Variants in CLNK observed in about 807,000 individuals in gnomAD.
CLNK encodes the protein cytokine dependent hematopoietic cell linker, also known as cytokine-dependent hematopoietic cell linker.
A neutral mutation model predicts 68.6 loss-of-function variants in CLNK; 74 were observed. That is an observed-to-expected ratio of 1.08 (90% confidence interval 0.89 to 1.31). CLNK has a LOEUF of 1.31. CLNK is among the 50% of genes most tolerant of loss of function. The probability of loss-of-function intolerance (pLI) is 0.00; values close to 1 mark genes in which losing one functional copy is unlikely to be tolerated. For missense variants in CLNK, 553 were observed against 515.3 expected (o/e 1.07, Z -0.71); for synonymous variants, 198 against 172.2 (o/e 1.15, Z -1.17).
At chr4:10,590,244 T>G (rs559106214) in intron 3 of CLNK, among the ~76,000 whole-genome samples, 4 of 152,236 alleles carry the variant, frequency 2.6e-5, no homozygotes, top group Admixed American at 1.3e-4. Flanking sequence ...ATACATCTAA[T>G]AATCTTTAAT....
At chr4:10,576,002 G>A (rs899419629) in intron 4 of CLNK, among the ~76,000 whole-genome samples, 3 of 152,202 alleles carry the variant, frequency 2.0e-5, no homozygotes, top group African/African-American at 7.2e-5. Flanking sequence ...CCCCCAGGCA[G>A]TGGCAAGACG....
intron 2 of CLNK, chr4:10,656,370 G>T (rs981593399): frequency 9.0e-5 from 13 of 143,936 alleles, no homozygotes; most frequent in Admixed American, 4.2e-4. Flanking sequence ...CCTGGCAAAA[G>T]ATTTGACAAG....
chr4:10,603,043 G>A (rs1333561456), intron 2 of CLNK, among the ~76,000 whole-genome samples: 2 of 152,142 alleles, frequency 1.3e-5, no homozygotes, highest in African/African-American at 4.8e-5. Context: ...TCAGAGAGAT[G>A]CTCCCGGCTA....
At chr4:10,552,278 T>TA (rs1431731813) in intron 8 of CLNK, among the ~76,000 whole-genome samples, 1 of 152,136 alleles carries the variant, frequency 6.6e-6, no homozygotes, top group Non-Finnish European at 1.5e-5. Flanking sequence ...GTTTAAATGA[T>TA]AATAGGACTT....
intron 1 of CLNK, among the ~76,000 whole-genome samples, chr4:10,682,625 A>C (rs1357159652): frequency 6.6e-6 from 1 of 152,230 alleles, no homozygotes; most frequent in Non-Finnish European, 1.5e-5. Context: ...AGGTTAAGCT[A>C]CTTACCTAAA....
chr4:10,584,299 T>G (rs895832224), intron 4 of CLNK, among the ~76,000 whole-genome samples: 1 of 152,196 alleles, frequency 6.6e-6, no homozygotes, highest in African/African-American at 2.4e-5. Context: ...CTCCATCGCT[T>G]CTTTGGTGTT....
chr4:10,595,120 A>G (rs777580574), intron 3 of CLNK, among the ~76,000 whole-genome samples: 1 of 152,128 alleles, frequency 6.6e-6, no homozygotes, highest in Admixed American at 6.5e-5. Context: ...CCAAAACAAA[A>G]ACCCAGAAAT....
At chr4:10,610,453 G>T (rs1450084796) in intron 2 of CLNK, among the ~76,000 whole-genome samples, 1 of 151,844 alleles carries the variant, frequency 6.6e-6, no homozygotes, top group African/African-American at 2.4e-5. Context: ...TGATGCCCAG[G>T]TTTCCAGAAA....
chr4:10,531,100 G>A (rs370904900), intron 12 of CLNK, among the ~76,000 whole-genome samples: 22 of 152,294 alleles, frequency 1.4e-4, no homozygotes, highest in African/African-American at 2.2e-4. Flanking sequence ...AGACATTCAC[G>A]TCTACTATAT....
chr4:10,569,305 G>A lies in CLNK; in HGVS notation c.150+2436C>T, dbSNP rs530747164. Among the ~76,000 whole-genome samples the A allele has an allele frequency of 2.8e-4, 42 of 150,636 alleles. No homozygotes were observed. The South Asian group carries it at 8.6e-3, about 31-fold the overall frequency. On this transcript the variant is annotated intron_variant, in intron 5 of 18. Coordinates refer to ENST00000226951, the MANE Select transcript of CLNK (RefSeq NM_052964.4). ...GTGGGGTTCTTATCTGATAGGATTA[G>A]TGTTCTTATAAGAAGAGACACCAGA... is the stretch of plus-strand genomic sequence containing the variant.
At chr4:10,495,521 T>C (rs978083890) in intron 18 of CLNK, among the ~76,000 whole-genome samples, 1 of 152,214 alleles carries the variant, frequency 6.6e-6, no homozygotes, top group African/African-American at 2.4e-5. Context: ...AATTAATGCT[T>C]GGACAATAAA....
chr4:10,598,203 G>C, intron 2 of CLNK, 154 bp from the exon 3 acceptor site: 2 of 604,314 alleles, frequency 3.3e-6, no homozygotes, highest in Non-Finnish European at 5.8e-6. Context: ...ATTACCACTA[G>C]GGTTAAAGAA....
chr4:10,659,348 C>A (rs80304703), intron 2 of CLNK, among the ~76,000 whole-genome samples: 1 of 152,216 alleles, frequency 6.6e-6, no homozygotes, highest in Non-Finnish European at 1.5e-5. Context: ...TACATTAAGT[C>A]GCTTAACTTT....
intron 5 of CLNK, among the ~76,000 whole-genome samples, chr4:10,566,879 A>C (rs1720139528): frequency 6.6e-6 from 1 of 152,112 alleles, no homozygotes; most frequent in Non-Finnish European, 1.5e-5. Context: ...AGAATAAAAT[A>C]TATGGAAATA....
At chr4:10,562,551 A>C (rs867039617) in intron 7 of CLNK, among the ~76,000 whole-genome samples, 2 of 152,030 alleles carry the variant, frequency 1.3e-5, no homozygotes, top group South Asian at 2.1e-4. Context: ...GACTACAAGC[A>C]CCCACCACCA....
At chr4:10,572,793 G>C (rs1285581683) in intron 4 of CLNK, among the ~76,000 whole-genome samples, 1 of 152,016 alleles carries the variant, frequency 6.6e-6, no homozygotes, top group Non-Finnish European at 1.5e-5. Flanking sequence ...TCTTGCTCTG[G>C]CTTTATCATT....
At chr4:10,599,606 T>A (rs909245445) in intron 2 of CLNK, among the ~76,000 whole-genome samples, 7 of 152,210 alleles carry the variant, frequency 4.6e-5, no homozygotes, top group South Asian at 2.1e-4. Context: ...TCTAATTGGT[T>A]ATTTCCCAGC....
chr4:10,630,869 G>A lies in CLNK; in HGVS notation c.12-32820C>T, dbSNP rs548098254. Among the ~76,000 whole-genome samples, 10 of 152,276 alleles carry A rather than the reference G, an allele frequency of 6.6e-5. No individual in the cohort carries two copies. In the East Asian group the frequency reaches 1.5e-3, roughly 23 times the overall value. ...GCTTGTAGCAGGTAAGCAGGATTGA[G>A]GGCGTTTCTCTCATTACACCAAGCC... On this transcript the variant is annotated intron_variant, in intron 2 of 18. Transcript: ENST00000226951.
intron 2 of CLNK, among the ~76,000 whole-genome samples, chr4:10,640,067 T>G (rs1339144991): frequency 1.3e-5 from 2 of 152,272 alleles, no homozygotes; most frequent in African/African-American, 4.8e-5. Context: ...CAGTCTAACT[T>G]TCAACACAAT....
Sources: gnomAD v4.1 joint callset for allele counts (sites outside exome capture counted in the v4.1 genomes callset) on GRCh38, gnomAD v4.1.1 for gene constraint, MANE v1.5 for transcripts, NCBI Gene and HGNC (gene_info 2026-07-23, HGNC 2026-07-21) for gene names.